GRIK1: variants seen among roughly 807,000 people sequenced by gnomAD.
GRIK1 encodes glutamate ionotropic receptor kainate type subunit 1, also known as glutamate receptor ionotropic, kainate 1.
Under a neutral mutation model 105.7 loss-of-function variants are expected in GRIK1, and 69 were observed. That is an observed-to-expected ratio of 0.65 (90% confidence interval 0.54 to 0.80). GRIK1 has a LOEUF of 0.80. Ranked by LOEUF, GRIK1 falls within the 30% of genes least tolerant of loss-of-function variation. The pLI is 0.00. For synonymous variants in GRIK1, 438 were observed against 431.3 expected (o/e 1.02, Z -0.19); for missense variants, 1,109 against 1,167.3 (o/e 0.95, Z 0.73).
intron 1 of GRIK1, among the ~76,000 whole-genome samples, chr21:29,919,820 G>A (rs2071131098): frequency 6.6e-6 from 1 of 152,140 alleles, no homozygotes; most frequent in African/African-American, 2.4e-5. Flanking sequence ...CTTTTAAGGG[G>A]CCAACGTGCT....
chr21:29,714,773 T>C (rs757732042), intron 1 of GRIK1, among the ~76,000 whole-genome samples: 18 of 152,234 alleles, frequency 1.2e-4, no homozygotes, highest in Non-Finnish European at 2.1e-4. Flanking sequence ...GCTTTGATTC[T>C]AATTTCCCTT....
At chr21:29,717,490 C>G (rs1213561753) in intron 1 of GRIK1, among the ~76,000 whole-genome samples, 1 of 152,210 alleles carries the variant, frequency 6.6e-6, no homozygotes. Flanking sequence ...TCAGCATGAC[C>G]TAGATGTGCA....
Position 29,673,125 on chromosome 21 carries a change from C to G in GRIK1, c.584G>C (p.Arg195Thr). The G allele has an allele frequency of 3.1e-6, 5 of 1,612,628 alleles. No individual in the cohort carries two copies. The highest frequency in any genetic ancestry group is 4.2e-6 in the Non-Finnish European group (5 of 1,178,828). ...GCGGATTTTGATTTTAATATTATAT[C>G]TGGAGGGAGCTTTGATGAGCTCTTG... is the stretch of plus-strand genomic sequence containing the variant. ...RLQELIKAPS[R>T]YNIKIKIRQL... The change falls in exon 4 of 18, where the codon AGA becomes ACA. Residue 195 changes from arginine (R) to threonine (T), a missense_variant. This residue lies in a region of GRIK1 where 612 missense variants were observed against 586.0 expected (regional missense o/e 1.04). Transcript: ENST00000327783.
At chr21:29,871,961 G>A (rs113369839) in intron 1 of GRIK1, among the ~76,000 whole-genome samples, 13,956 of 151,164 alleles carry the variant, frequency 0.092, 806 homozygotes, top group African/African-American at 0.16. Flanking sequence ...AGTGGGTTTC[G>A]CCTTGTTGCC....
chr21:29,702,787 C>T lies in GRIK1; in HGVS notation c.119-8724G>A, dbSNP rs553238548. Reference sequence around the variant, plus strand: ...GCCAGAAGCCAAGGAATGACTGAAGCCACCAGAAGCTGGAGGAAGCAAATA... The same window carrying T: ...GCCAGAAGCCAAGGAATGACTGAAGTCACCAGAAGCTGGAGGAAGCAAATA... On this transcript the variant is annotated intron_variant, in intron 1 of 17. Coordinates refer to ENST00000327783, the MANE Select transcript of GRIK1 (RefSeq NM_001330994.2). 6.3e-4 allele frequency among the ~76,000 whole-genome samples: 96 copies of T among 152,202 alleles called. 4 individuals carry two copies. In the South Asian group the frequency reaches 0.019, roughly 31 times the overall value.
chr21:29,601,227 C>G (rs2061512343), intron 7 of GRIK1: 1 of 511,134 alleles, frequency 2.0e-6, no homozygotes, highest in Non-Finnish European at 3.9e-6. Context: ...GCCTGACTGA[C>G]AGCTGAAACA....
chr21:29,829,180 T>C (rs771907800), intron 1 of GRIK1, among the ~76,000 whole-genome samples: 11 of 152,128 alleles, frequency 7.2e-5, no homozygotes, highest in Non-Finnish European at 1.5e-4. Flanking sequence ...CATTAGTAAA[T>C]ATCTCACCAC....
intron 1 of GRIK1, among the ~76,000 whole-genome samples, chr21:29,867,827 A>T (rs1489814905): frequency 4.0e-5 from 6 of 150,692 alleles, no homozygotes; most frequent in South Asian, 2.1e-4. Flanking sequence ...AATGAAAGAA[A>T]GAAAGAAAGA....
At chr21:29,588,093 G>A (rs1469925390) in intron 11 of GRIK1, among the ~76,000 whole-genome samples, 1 of 145,452 alleles carries the variant, frequency 6.9e-6, no homozygotes, top group East Asian at 2.1e-4. Flanking sequence ...TCCTGCCTCA[G>A]CCTACCGAGT....
chr21:29,893,439 C>T (rs1448610512), intron 1 of GRIK1, among the ~76,000 whole-genome samples: 1 of 152,212 alleles, frequency 6.6e-6, no homozygotes, highest in African/African-American at 2.4e-5. Flanking sequence ...ATACCCAACT[C>T]TACTACTCAC....
chr21:29,745,442 T>C (rs935094844), intron 1 of GRIK1, among the ~76,000 whole-genome samples: 3 of 152,220 alleles, frequency 2.0e-5, no homozygotes, highest in African/African-American at 7.2e-5. Context: ...TGTATTAAGC[T>C]GCTGCATTTT....
intron 1 of GRIK1, among the ~76,000 whole-genome samples, chr21:29,863,558 T>A (rs148468823): frequency 1.2e-3 from 183 of 152,356 alleles, no homozygotes; most frequent in African/African-American, 4.2e-3. Context: ...CTAGTTGTCC[T>A]GGTTTTCTTC....
chr21:29,733,938 T>G (rs1225764716), intron 1 of GRIK1, among the ~76,000 whole-genome samples: 2 of 152,068 alleles, frequency 1.3e-5, no homozygotes, highest in African/African-American at 4.8e-5. Flanking sequence ...AATAATTAGT[T>G]TTACTATTAT....
At chr21:29,786,041 G>A (rs936162896) in intron 1 of GRIK1, among the ~76,000 whole-genome samples, 1 of 152,230 alleles carries the variant, frequency 6.6e-6, no homozygotes, top group Non-Finnish European at 1.5e-5. Flanking sequence ...CCAGGCTGGA[G>A]TGCAGTGGCG....
chr21:29,859,136 C>G (rs936753329), intron 1 of GRIK1, among the ~76,000 whole-genome samples: 2 of 150,166 alleles, frequency 1.3e-5, no homozygotes, highest in African/African-American at 4.9e-5. Flanking sequence ...ACCGCATGTT[C>G]TCACTCATAG....
chr21:29,722,448 C>T (rs2064345502), intron 1 of GRIK1, among the ~76,000 whole-genome samples: 1 of 151,796 alleles, frequency 6.6e-6, no homozygotes, highest in South Asian at 2.1e-4. Context: ...CCCAGCTACT[C>T]AGGTGGGTGA....
At chr21:29,851,154 A>T (rs1338894549) in intron 1 of GRIK1, among the ~76,000 whole-genome samples, 1 of 151,938 alleles carries the variant, frequency 6.6e-6, no homozygotes, top group Non-Finnish European at 1.5e-5. Flanking sequence ...TCCCAGGTCC[A>T]ATCAATTCTC....
intron 1 of GRIK1, among the ~76,000 whole-genome samples, chr21:29,801,026 G>A (rs1225959276): frequency 1.3e-5 from 2 of 152,072 alleles, no homozygotes; most frequent in African/African-American, 4.8e-5. Flanking sequence ...ATCCGATGGT[G>A]GATCATTTAA....
At chr21:29,651,092 A>C (rs762481084) in intron 6 of GRIK1, 26 bp downstream of exon 6, 3 of 1,558,168 alleles carry the variant, frequency 1.9e-6, no homozygotes, top group Non-Finnish European at 2.6e-6. Flanking sequence ...TATTCTTGCA[A>C]ATGATTTTAT....
Sources: gnomAD v4.1 joint callset for allele counts (sites outside exome capture counted in the v4.1 genomes callset) on GRCh38, gnomAD v4.1.1 for gene constraint, gnomAD v4.1.1 regional missense constraint, MANE v1.5 for transcripts, NCBI Gene and HGNC (gene_info 2026-07-23, HGNC 2026-07-21) for gene names.